Variants in GNA14 observed in about 807,000 individuals in gnomAD.
GNA14 encodes G protein subunit alpha 14.
Under a neutral mutation model 42.0 loss-of-function variants are expected in GNA14, and 50 were observed. The ratio of observed to expected loss-of-function variants is 1.19; its 90% CI spans 0.95 to 1.51. The LOEUF (loss-of-function observed/expected upper bound fraction) is 1.51. Ranked by LOEUF, GNA14 falls within the 40% of genes most tolerant of loss-of-function variation. The pLI, the probability that GNA14 is intolerant of heterozygous loss-of-function variation, is 0.00. For synonymous variants in GNA14, 173 were observed against 163.1 expected (o/e 1.06, Z -0.46); for missense variants, 473 against 446.2 (o/e 1.06, Z -0.54).
At chr9:77,586,278 A>C (rs1300261129) in intron 1 of GNA14, among the ~76,000 whole-genome samples, 1 of 152,170 alleles carries the variant, frequency 6.6e-6, no homozygotes, top group East Asian at 1.9e-4. Flanking sequence ...ATACATATCC[A>C]TACTATATAA....
chr9:77,519,564 T>C (rs1446628657), intron 2 of GNA14, among the ~76,000 whole-genome samples: 2 of 152,188 alleles, frequency 1.3e-5, no homozygotes, highest in Non-Finnish European at 2.9e-5. Flanking sequence ...AGTTAAATAA[T>C]TCATGTTCTC....
chr9:77,485,452 G>C (rs111765105), intron 2 of GNA14, among the ~76,000 whole-genome samples: 2 of 152,084 alleles, frequency 1.3e-5, no homozygotes, highest in Admixed American at 6.5e-5. Context: ...ATGAGAGTTG[G>C]AATCAACTTA....
intron 2 of GNA14, among the ~76,000 whole-genome samples, chr9:77,484,292 T>A (rs953635723): frequency 1.3e-5 from 2 of 152,198 alleles, no homozygotes; most frequent in Non-Finnish European, 2.9e-5. Context: ...AGGAGTTTTA[T>A]AATTCTGCCT....
intron 1 of GNA14, among the ~76,000 whole-genome samples, chr9:77,569,387 G>A (rs777562334): frequency 6.6e-6 from 1 of 152,142 alleles, no homozygotes; most frequent in Non-Finnish European, 1.5e-5. Flanking sequence ...AATACTGCTG[G>A]ATGTGCTGCA....
At position 77,423,595 on chromosome 9, in the gene GNA14, CTA is replaced by C. The variant is rs1273753508; in HGVS notation, c.*382_*383del. On this transcript the variant is annotated 3_prime_UTR_variant, in exon 7 of 7. Coordinates refer to ENST00000341700, the MANE Select transcript of GNA14 (RefSeq NM_004297.4). ...TTTAAAAAAGTCACCCAAATTAACTCTAGAGGTTTGAAGGCATGATCTATAAA... is the reference window on the plus strand; with the variant it reads ...TTTAAAAAAGTCACCCAAATTAACTCGAGGTTTGAAGGCATGATCTATAAA... The C allele has an allele frequency of 6.5e-6, 1 of 153,380 alleles. No homozygotes were observed. The highest frequency in any genetic ancestry group is 1.5e-5 in the Non-Finnish European group (1 of 68,912). The allele number at this position is 153,380 out of a possible 1,614,324, so 9.5% of individuals were successfully genotyped here.
At chr9:77,583,725 A>G (rs568479362) in intron 1 of GNA14, among the ~76,000 whole-genome samples, 1 of 152,266 alleles carries the variant, frequency 6.6e-6, no homozygotes, top group East Asian at 1.9e-4. Context: ...TAATGTTTCT[A>G]AAACTTTTCT....
chr9:77,638,484 T>C (rs992649388), intron 1 of GNA14, among the ~76,000 whole-genome samples: 1 of 152,070 alleles, frequency 6.6e-6, no homozygotes, highest in East Asian at 1.9e-4. Flanking sequence ...GAAACAGCCA[T>C]GTATGTGGAA....
At position 77,435,009 on chromosome 9, in the gene GNA14, A is replaced by AGT. The variant is rs1295392281; in HGVS notation, c.310-488_310-487insAC. ...CCTTGTCTTTAGAGAAGTGAAACAC[A>AGT]ATAACAACTTATCATCAGTCTGGGA... is the stretch of plus-strand genomic sequence containing the variant. On this transcript the variant is annotated intron_variant, in intron 2 of 6. Transcript: ENST00000341700. 2.8e-3 allele frequency among the ~76,000 whole-genome samples: 428 copies of AGT among 151,730 alleles called. 3 individuals carry two copies. The highest frequency in any genetic ancestry group is 9.8e-3 in the African/African-American group (406 of 41,310).
At chr9:77,531,125 C>T (rs984052146) in intron 1 of GNA14, among the ~76,000 whole-genome samples, 7 of 152,198 alleles carry the variant, frequency 4.6e-5, no homozygotes, top group African/African-American at 1.4e-4. Context: ...TATCTCTCAC[C>T]ATACCTTTCA....
chr9:77,425,259 G>A (rs1054252606), intron 6 of GNA14, among the ~76,000 whole-genome samples: 5 of 152,160 alleles, frequency 3.3e-5, no homozygotes, highest in Non-Finnish European at 5.9e-5. Flanking sequence ...GACCAGATGG[G>A]CAGGGGAAGC....
At chr9:77,447,728 T>C (rs530680045) in intron 2 of GNA14, among the ~76,000 whole-genome samples, 1 of 152,116 alleles carries the variant, frequency 6.6e-6, no homozygotes, top group African/African-American at 2.4e-5. Flanking sequence ...ACTAGATTAT[T>C]TGCACCCAGT....
At chr9:77,481,827 C>T in intron 2 of GNA14, among the ~76,000 whole-genome samples, 1 of 152,086 alleles carries the variant, frequency 6.6e-6, no homozygotes, top group East Asian at 1.9e-4. Context: ...CTCTTTTCAT[C>T]TTTGTTGGTT....
chr9:77,427,289 A>AT (rs537716697), intron 5 of GNA14, among the ~76,000 whole-genome samples: 3 of 150,328 alleles, frequency 2.0e-5, no homozygotes, highest in East Asian at 2.0e-4. Flanking sequence ...ATTTGCAGCT[A>AT]TTTTTTTTAT....
intron 6 of GNA14, 96 bp downstream of exon 6, chr9:77,425,466 C>G: frequency 1.2e-6 from 1 of 825,216 alleles, no homozygotes; most frequent in South Asian, 1.8e-5. Context: ...GCAGGCAGAC[C>G]AGGGAGGCCC....
chr9:77,530,334 C>T (rs1287654551), intron 1 of GNA14, among the ~76,000 whole-genome samples: 1 of 152,146 alleles, frequency 6.6e-6, no homozygotes, highest in Non-Finnish European at 1.5e-5. Context: ...CTGCTCTGGC[C>T]ACATGAAGTT....
At chr9:77,476,489 T>G (rs1012348790) in intron 2 of GNA14, among the ~76,000 whole-genome samples, 1 of 151,804 alleles carries the variant, frequency 6.6e-6, no homozygotes, top group African/African-American at 2.4e-5. Flanking sequence ...CACACAGGAG[T>G]GTAGAGGGTC....
chr9:77,535,974 C>T (rs1419364746), intron 1 of GNA14, among the ~76,000 whole-genome samples: 3 of 151,148 alleles, frequency 2.0e-5, no homozygotes, highest in South Asian at 2.1e-4. Flanking sequence ...TTTCAATTTC[C>T]GGGGGAAAAC....
chr9:77,513,095 G>T (rs1334105353), intron 2 of GNA14, among the ~76,000 whole-genome samples: 1 of 152,318 alleles, frequency 6.6e-6, no homozygotes. Context: ...ACTGACAGTT[G>T]TGTAAGCCAG....
In GNA14 at chr9:77,447,113, A is replaced by C. The variant is rs1835832247; in HGVS notation, c.310-12591T>G. On this transcript the variant is annotated intron_variant, in intron 2 of 6. Coordinates refer to ENST00000341700, the MANE Select transcript of GNA14 (RefSeq NM_004297.4). ...CGAGTAGCTGGGATTACAGGCACACACCACCACGCCGAGTAGAGATGGGGT... is the reference window on the plus strand; with the variant it reads ...CGAGTAGCTGGGATTACAGGCACACCCCACCACGCCGAGTAGAGATGGGGT... Among the ~76,000 whole-genome samples, 3 of 151,912 alleles carry C rather than the reference A, an allele frequency of 2.0e-5. No homozygotes were observed. The South Asian group carries it at 6.2e-4, about 32-fold the overall frequency.
Sources: gnomAD v4.1 joint callset for allele counts (sites outside exome capture counted in the v4.1 genomes callset) on GRCh38, gnomAD v4.1.1 for gene constraint, MANE v1.5 for transcripts, NCBI Gene and HGNC (gene_info 2026-07-23, HGNC 2026-07-21) for gene names.